DLG1: variants seen among roughly 807,000 people sequenced by gnomAD.
DLG1 encodes the protein discs large MAGUK scaffold protein 1.
A neutral mutation model predicts 123.4 loss-of-function variants in DLG1; 42 were observed. That is an observed-to-expected ratio of 0.34 (90% CI 0.27 to 0.44). The LOEUF (loss-of-function observed/expected upper bound fraction) is 0.44, where lower values mean the gene tolerates loss of function less well. Ranked by LOEUF, DLG1 falls within the 20% of genes least tolerant of loss-of-function variation. DLG1 has a pLI of 1.00. For synonymous variants in DLG1, 317 were observed against 356.2 expected (o/e 0.89, Z 1.24); for missense variants, 942 against 1,082.6 (o/e 0.87, Z 1.82).
At chr3:197,266,101 T>TTAAC (rs1279987044) in intron 4 of DLG1, among the ~76,000 whole-genome samples, 1 of 152,020 alleles carries the variant, frequency 6.6e-6, no homozygotes, top group East Asian at 1.9e-4. Context: ...TCCAAGTCAT[T>TTAAC]TAACTACATC....
intron 18 of DLG1, among the ~76,000 whole-genome samples, chr3:197,076,274 A>C (rs888044650): frequency 6.6e-6 from 1 of 152,170 alleles, no homozygotes; most frequent in Non-Finnish European, 1.5e-5. Context: ...CTTCCTCTAA[A>C]ATATTCTTTG....
chr3:197,242,147 C>T (rs1336146394), intron 4 of DLG1, among the ~76,000 whole-genome samples: 1 of 152,010 alleles, frequency 6.6e-6, no homozygotes, highest in Non-Finnish European at 1.5e-5. Context: ...AGCAACTATG[C>T]TTCTATCAGA....
chr3:197,140,306 T>C (rs1428160385), intron 7 of DLG1, 42 bp from the exon 8 acceptor site: 1 of 1,601,572 alleles, frequency 6.2e-7, no homozygotes, highest in Non-Finnish European at 8.5e-7. Flanking sequence ...ATATGATTTA[T>C]CTTTATGGAC....
chr3:197,225,112 G>A (rs540918658), intron 4 of DLG1, among the ~76,000 whole-genome samples: 31 of 152,126 alleles, frequency 2.0e-4, no homozygotes, highest in Non-Finnish European at 3.2e-4. Flanking sequence ...ACCCGCCACC[G>A]CACCCAGCTA....
intron 4 of DLG1, among the ~76,000 whole-genome samples, chr3:197,232,588 T>G (rs775150768): frequency 6.6e-6 from 1 of 152,230 alleles, no homozygotes; most frequent in African/African-American, 2.4e-5. Flanking sequence ...GATCCAAATC[T>G]TGAACATTCA....
In DLG1 at chr3:197,082,259, A is replaced by C. The variant is rs1338176105; in HGVS notation, c.1839-1142T>G. The stretch of plus-strand genomic sequence containing the variant: ...GTGGCGGGTGCCTGTAATCCCAGCT[A>C]CTTGGGAGGCTGAGGCAGGAGAATC... On this transcript the variant is annotated intron_variant, in intron 16 of 24. Transcript: ENST00000667157. Among the ~76,000 whole-genome samples, 3 of 152,192 alleles carry C rather than the reference A, an allele frequency of 2.0e-5. No individual in the cohort carries two copies. In the South Asian group the frequency reaches 6.2e-4, roughly 32 times the overall value.
chr3:197,116,208 A>G (rs1773178636), intron 12 of DLG1, 125 bp from the exon 13 acceptor site: 1 of 716,332 alleles, frequency 1.4e-6, no homozygotes, highest in African/African-American at 1.9e-5. Flanking sequence ...CAAAATATAA[A>G]TGGTTTTTCT....
chr3:197,192,440 A>C (rs942666245), intron 5 of DLG1, among the ~76,000 whole-genome samples: 1 of 152,048 alleles, frequency 6.6e-6, no homozygotes, highest in Non-Finnish European at 1.5e-5. Context: ...AAAACAAGAA[A>C]ACAGAATAAA....
Position 197,065,701 on chromosome 3 carries a change from T to C in DLG1, c.2200+7A>G, listed in dbSNP as rs1739056738. ...AACAATTAAATGTTTTTGTTTGGTTTACTTACGAGGAACACAGGATCCAAA... is the reference window on the plus strand; with the variant it reads ...AACAATTAAATGTTTTTGTTTGGTTCACTTACGAGGAACACAGGATCCAAA... On this transcript the variant is annotated splice_region_variant and intron_variant, in intron 21 of 24. Transcript: ENST00000667157. The C allele has an allele frequency of 6.3e-7, 1 of 1,579,864 alleles. No homozygotes were observed. The highest frequency in any genetic ancestry group is 8.7e-7 in the Non-Finnish European group (1 of 1,154,688).
chr3:197,062,115 C>T (rs1035470298), intron 22 of DLG1, among the ~76,000 whole-genome samples: 8 of 152,102 alleles, frequency 5.3e-5, no homozygotes, highest in East Asian at 1.9e-4. Context: ...ATGGGAGTTA[C>T]GTCCCAATAA....
chr3:197,115,312 C>A (rs1454099603), intron 13 of DLG1, among the ~76,000 whole-genome samples: 2 of 148,894 alleles, frequency 1.3e-5, no homozygotes, highest in Non-Finnish European at 3.0e-5. Flanking sequence ...GTATGGGTAA[C>A]AACATAAGCA....
chr3:197,161,799 C>T lies in DLG1; in HGVS notation c.484-12003G>A, dbSNP rs1208350630. The T allele has an allele frequency of 5.8e-6, 6 of 1,032,466 alleles. No homozygotes were observed. In the East Asian group the frequency reaches 1.1e-4, roughly 19 times the overall value. The allele number at this position is 1,032,466 out of a possible 1,614,324, so 64.0% of individuals were successfully genotyped here. On this transcript the variant is annotated intron_variant, in intron 5 of 24. Transcript: ENST00000667157. ...ACCAAAATAAAAGGGAAACACATAA[C>T]AAAAAGCTGTGCCATAAAGATAAAT...
intron 15 of DLG1, among the ~76,000 whole-genome samples, chr3:197,087,332 C>CTT (rs776665116): frequency 1.4e-5 from 2 of 139,530 alleles, no homozygotes; most frequent in African/African-American, 5.3e-5. Flanking sequence ...TTTTTGCAGC[C>CTT]TTTTTTTTTT....
intron 4 of DLG1, among the ~76,000 whole-genome samples, chr3:197,245,543 T>C (rs537538921): frequency 6.6e-6 from 1 of 152,190 alleles, no homozygotes; most frequent in African/African-American, 2.4e-5. Flanking sequence ...TAAATTCCTA[T>C]ACATCCATAG....
chr3:197,047,217 A>G (rs1380491965), intron 24 of DLG1, among the ~76,000 whole-genome samples: 1 of 152,232 alleles, frequency 6.6e-6, no homozygotes, highest in Non-Finnish European at 1.5e-5. Context: ...ATAAGGGAAT[A>G]TCCCTGTTTT....
chr3:197,167,687 A>C (rs1462807423), intron 5 of DLG1, among the ~76,000 whole-genome samples: 2 of 152,214 alleles, frequency 1.3e-5, no homozygotes, highest in Admixed American at 6.5e-5. Flanking sequence ...TAGTTTAAAA[A>C]CAACTTTACT....
chr3:197,246,639 C>T (rs893861067), intron 4 of DLG1, among the ~76,000 whole-genome samples: 1 of 152,160 alleles, frequency 6.6e-6, no homozygotes, highest in Non-Finnish European at 1.5e-5. Context: ...TTGTTGGTGA[C>T]CCCCATGTTC....
intron 23 of DLG1, among the ~76,000 whole-genome samples, chr3:197,053,104 G>A (rs778108104): frequency 6.6e-6 from 1 of 152,238 alleles, no homozygotes; most frequent in African/African-American, 2.4e-5. Flanking sequence ...GTGGGTGTGA[G>A]TGGAGAGAAA....
intron 13 of DLG1, among the ~76,000 whole-genome samples, chr3:197,107,717 CTGT>C (rs752873619): frequency 4.0e-5 from 6 of 151,650 alleles, no homozygotes; most frequent in African/African-American, 9.7e-5. Flanking sequence ...GCTTGACAGT[CTGT>C]TGTTGTATTT....
Sources: gnomAD v4.1 joint callset for allele counts (sites outside exome capture counted in the v4.1 genomes callset) on GRCh38, gnomAD v4.1.1 for gene constraint, MANE v1.5 for transcripts, NCBI Gene and HGNC (gene_info 2026-07-23, HGNC 2026-07-21) for gene names.